EYS: variants seen among roughly 807,000 people sequenced by gnomAD.
EYS encodes protein eyes shut homolog.
A neutral mutation model predicts 282.1 loss-of-function variants in EYS; 250 were observed. That is an observed-to-expected ratio of 0.89 (90% CI 0.80 to 0.98). The LOEUF (loss-of-function observed/expected upper bound fraction) is 0.98, where lower values mean the gene tolerates loss of function less well. Ranked by LOEUF, EYS falls within the 50% of genes least tolerant of loss-of-function variation. EYS has a pLI of 0.00. For synonymous variants in EYS, 1,355 were observed against 1,282.9 expected (o/e 1.06, Z -1.20); for missense variants, 4,016 against 3,709.0 (o/e 1.08, Z -2.15).
chr6:64,738,698 T>C (rs1202444095), intron 22 of EYS, among the ~76,000 whole-genome samples: 2 of 152,214 alleles, frequency 1.3e-5, no homozygotes, highest in Non-Finnish European at 2.9e-5. Flanking sequence ...ATAGTGGCAA[T>C]TTTAAAAATA....
intron 13 of EYS, among the ~76,000 whole-genome samples, chr6:65,029,551 C>T (rs970713145): frequency 1.3e-5 from 2 of 151,850 alleles, no homozygotes; most frequent in African/African-American, 4.8e-5. Flanking sequence ...CCTCTCCTGC[C>T]TCCCCTTCTA....
chr6:64,851,637 G>T (rs1233005060), intron 19 of EYS, among the ~76,000 whole-genome samples: 1 of 152,116 alleles, frequency 6.6e-6, no homozygotes, highest in Non-Finnish European at 1.5e-5. Context: ...ATGAGATCGT[G>T]TCCTTTTCTG....
intron 12 of EYS, among the ~76,000 whole-genome samples, chr6:65,286,489 T>A (rs926521887): frequency 3.3e-5 from 5 of 151,754 alleles, no homozygotes; most frequent in African/African-American, 1.2e-4. Flanking sequence ...CTACATGTGT[T>A]GAATTAAAAA....
intron 41 of EYS, among the ~76,000 whole-genome samples, chr6:63,748,703 G>A (rs189207887): frequency 1.3e-5 from 2 of 152,060 alleles, no homozygotes; most frequent in Admixed American, 6.5e-5. Flanking sequence ...GTTCTTTCTG[G>A]TTCAGTCTTG....
intron 22 of EYS, among the ~76,000 whole-genome samples, chr6:64,763,375 A>G (rs113581847): frequency 0.03 from 4,583 of 152,270 alleles, 89 homozygotes; most frequent in Middle Eastern, 0.058. Flanking sequence ...CCTTCTTCAT[A>G]TGGTGGCTGG....
At chr6:63,791,437 G>T (rs1210083856) in intron 37 of EYS, among the ~76,000 whole-genome samples, 1 of 152,116 alleles carries the variant, frequency 6.6e-6, no homozygotes, top group African/African-American at 2.4e-5. Context: ...AATTAGCCGG[G>T]CGTGGTGGCG....
chr6:65,168,676 T>G (rs1386453235), intron 12 of EYS, among the ~76,000 whole-genome samples: 1 of 151,296 alleles, frequency 6.6e-6, no homozygotes, highest in Non-Finnish European at 1.5e-5. Flanking sequence ...TACACAAACA[T>G]TCAGGTCATA....
intron 13 of EYS, among the ~76,000 whole-genome samples, chr6:65,044,512 A>C (rs957018551): frequency 1.3e-5 from 2 of 151,800 alleles, no homozygotes; most frequent in African/African-American, 4.8e-5. Context: ...TACTATAGTG[A>C]AAATATTCTG....
chr6:64,047,758 G>A (rs1003599519), intron 33 of EYS, among the ~76,000 whole-genome samples: 8 of 152,126 alleles, frequency 5.3e-5, no homozygotes, highest in African/African-American at 1.9e-4. Context: ...AGAAGGTTAA[G>A]TCACTTGCTT....
chr6:64,522,237 A>G (rs1237887988), intron 26 of EYS, among the ~76,000 whole-genome samples: 2 of 151,786 alleles, frequency 1.3e-5, no homozygotes, highest in African/African-American at 4.8e-5. Context: ...AAGTTTTGAA[A>G]CATAGTTTCA....
chr6:63,827,637 G>A (rs1771506872), intron 36 of EYS, among the ~76,000 whole-genome samples: 1 of 152,054 alleles, frequency 6.6e-6, no homozygotes, highest in South Asian at 2.1e-4. Flanking sequence ...GAGGTCAGGA[G>A]ATCTAGACCA....
intron 26 of EYS, among the ~76,000 whole-genome samples, chr6:64,582,544 T>C (rs530241144): frequency 1.3e-4 from 20 of 151,482 alleles, no homozygotes; most frequent in African/African-American, 4.8e-4. Flanking sequence ...AAGGAATGGG[T>C]CAGATTTGGC....
At chr6:64,970,061 T>C (rs545444285) in intron 14 of EYS, among the ~76,000 whole-genome samples, 4 of 152,278 alleles carry the variant, frequency 2.6e-5, no homozygotes, top group African/African-American at 9.6e-5. Context: ...ATAAGCAGAT[T>C]TTTTTCAATA....
At chr6:65,324,508 C>A (rs1334210435) in intron 11 of EYS, among the ~76,000 whole-genome samples, 1 of 152,182 alleles carries the variant, frequency 6.6e-6, no homozygotes, top group Non-Finnish European at 1.5e-5. Flanking sequence ...TTCCTTGCAA[C>A]CCTCTTCGCT....
chr6:64,131,846 C>T (rs1340149679), intron 31 of EYS, among the ~76,000 whole-genome samples: 7 of 152,126 alleles, frequency 4.6e-5, no homozygotes, highest in South Asian at 2.1e-4. Context: ...GTGCCATAGA[C>T]TAACAAGGAC....
chr6:65,172,253 A>G (rs1765122187), intron 12 of EYS, among the ~76,000 whole-genome samples: 1 of 151,506 alleles, frequency 6.6e-6, no homozygotes, highest in Admixed American at 6.6e-5. Context: ...GTTACAGAAA[A>G]TCTTTGTCTA....
intron 19 of EYS, among the ~76,000 whole-genome samples, chr6:64,846,070 G>T (rs763032698): frequency 5.9e-5 from 9 of 151,950 alleles, no homozygotes; most frequent in African/African-American, 9.7e-5. Context: ...CCTGTAAATC[G>T]ATTTCCTTGC....
intron 41 of EYS, among the ~76,000 whole-genome samples, chr6:63,727,723 A>ATATATATATATATAT (rs1409002144): frequency 4.7e-5 from 3 of 64,446 alleles, no homozygotes; most frequent in African/African-American, 3.7e-4. Context: ...AAAAAAAAAA[A>ATATATATATATATAT]AAAAAAAAAA....
chr6:64,176,531 G>A (rs771435356), intron 31 of EYS, among the ~76,000 whole-genome samples: 1 of 151,768 alleles, frequency 6.6e-6, no homozygotes, highest in East Asian at 1.9e-4. Context: ...GTGTGTTTGT[G>A]TATGTACCAA....
Sources: allele counts gnomAD v4.1 joint callset (sites outside exome capture counted in the v4.1 genomes callset), GRCh38; gene constraint gnomAD v4.1.1; transcripts MANE v1.5; gene names NCBI Gene and HGNC (gene_info 2026-07-23, HGNC 2026-07-21).